The following NALF1 variants were observed in gnomAD, a reference collection of about 807,000 sequenced individuals.
NALF1 encodes the protein family with sequence similarity 155 member A.
A neutral mutation model predicts 48.4 loss-of-function variants in NALF1; 3 were observed. That is an observed-to-expected ratio of 0.06 (90% CI 0.03 to 0.16). The LOEUF (loss-of-function observed/expected upper bound fraction) is 0.16. Ranked by LOEUF, NALF1 falls within the 10% of genes least tolerant of loss-of-function variation. The pLI is 1.00. For missense variants in NALF1, 526 were observed against 571.5 expected (o/e 0.92, Z 0.81); for synonymous variants, 262 against 245.7 (o/e 1.07, Z -0.62).
intron 1 of NALF1, among the ~76,000 whole-genome samples, chr13:107,724,537 T>TCCCA: frequency 6.6e-6 from 1 of 150,932 alleles, no homozygotes; most frequent in Non-Finnish European, 1.5e-5. Context: ...TCATATACCA[T>TCCCA]CCCTCCCTCC....
At chr13:107,648,112 C>G (rs1392938785) in intron 1 of NALF1, among the ~76,000 whole-genome samples, 5 of 151,498 alleles carry the variant, frequency 3.3e-5, no homozygotes, top group African/African-American at 1.2e-4. Context: ...CATATGTCAC[C>G]CCCCATACAC....
At chr13:107,653,834 G>A (rs1594186227) in intron 1 of NALF1, among the ~76,000 whole-genome samples, 1 of 151,924 alleles carries the variant, frequency 6.6e-6, no homozygotes, top group African/African-American at 2.4e-5. Context: ...AAAAGTTTAA[G>A]CAAGTAAACT....
chr13:107,418,053 C>T (rs148224358), intron 1 of NALF1, among the ~76,000 whole-genome samples: 1 of 152,262 alleles, frequency 6.6e-6, no homozygotes, highest in Non-Finnish European at 1.5e-5. Flanking sequence ...CAGAGCAAGA[C>T]TGTGTCTCAA....
chr13:107,378,288 C>G (rs899497902), intron 1 of NALF1, among the ~76,000 whole-genome samples: 6 of 152,024 alleles, frequency 3.9e-5, no homozygotes, highest in Non-Finnish European at 7.4e-5. Context: ...AGAAATATCA[C>G]TAATGCCAAG....
intron 1 of NALF1, among the ~76,000 whole-genome samples, chr13:107,773,301 T>G (rs1250098905): frequency 6.6e-6 from 1 of 152,188 alleles, no homozygotes; most frequent in African/African-American, 2.4e-5. Flanking sequence ...TGAAACTATC[T>G]TGATACACAT....
chr13:107,245,866 T>C (rs1456202509), intron 1 of NALF1, among the ~76,000 whole-genome samples: 1 of 152,182 alleles, frequency 6.6e-6, no homozygotes, highest in African/African-American at 2.4e-5. Flanking sequence ...ACTGTGATTC[T>C]ACTGAGATCT....
chr13:107,812,769 T>C (rs922311006), intron 1 of NALF1, among the ~76,000 whole-genome samples: 1 of 149,652 alleles, frequency 6.7e-6, no homozygotes, highest in Admixed American at 6.7e-5. Flanking sequence ...ATGAGAGGGT[T>C]TTTGTTGTTG....
At chr13:107,588,073 G>T (rs145317930) in intron 1 of NALF1, among the ~76,000 whole-genome samples, 1 of 152,168 alleles carries the variant, frequency 6.6e-6, no homozygotes, top group Non-Finnish European at 1.5e-5. Context: ...ATCTATGAAG[G>T]ACTGTTCTCA....
chr13:107,628,393 G>T (rs1352704070), intron 1 of NALF1, among the ~76,000 whole-genome samples: 1 of 151,998 alleles, frequency 6.6e-6, no homozygotes, highest in Non-Finnish European at 1.5e-5. Flanking sequence ...GCTTTCACTA[G>T]GGTACCCCTT....
intron 1 of NALF1, among the ~76,000 whole-genome samples, chr13:107,661,963 T>TA (rs1454200897): frequency 5.9e-5 from 9 of 152,290 alleles, no homozygotes; most frequent in South Asian, 4.1e-4. Context: ...TAAAATCTTT[T>TA]AAAAAATTGT....
chr13:107,531,234 CAGG>C (rs1296149285), intron 1 of NALF1: 1 of 169,224 alleles, frequency 5.9e-6, no homozygotes, highest in African/African-American at 2.4e-5. Flanking sequence ...TACACTTCAA[CAGG>C]AGATTTGGGA....
intron 1 of NALF1, among the ~76,000 whole-genome samples, chr13:107,481,688 A>T (rs1885256120): frequency 6.6e-6 from 1 of 151,992 alleles, no homozygotes; most frequent in Non-Finnish European, 1.5e-5. Flanking sequence ...TCCAAGGGGG[A>T]GGAGTGTGTG....
intron 1 of NALF1, among the ~76,000 whole-genome samples, chr13:107,296,069 A>G (rs1232487800): frequency 2.0e-5 from 3 of 152,256 alleles, no homozygotes; most frequent in Non-Finnish European, 2.9e-5. Context: ...GTCATTGCCA[A>G]CTTGGCACTA....
At chr13:107,410,062 T>C (rs934721011) in intron 1 of NALF1, among the ~76,000 whole-genome samples, 2 of 152,244 alleles carry the variant, frequency 1.3e-5, no homozygotes, top group Admixed American at 1.3e-4. Context: ...GGATGGAGTT[T>C]TATGGAAATT....
At chr13:107,329,854 A>G (rs1594123043) in intron 1 of NALF1, among the ~76,000 whole-genome samples, 2 of 152,128 alleles carry the variant, frequency 1.3e-5, no homozygotes, top group African/African-American at 2.4e-5. Context: ...TTATGGCTGC[A>G]TAGCTACTTT....
chr13:107,485,221 C>T (rs1395503429), intron 1 of NALF1, among the ~76,000 whole-genome samples: 2 of 152,136 alleles, frequency 1.3e-5, no homozygotes, highest in African/African-American at 4.8e-5. Flanking sequence ...GAAGACAGTG[C>T]CTTTCACAGT....
chr13:107,672,351 T>G (rs934530224), intron 1 of NALF1, among the ~76,000 whole-genome samples: 9 of 152,332 alleles, frequency 5.9e-5, no homozygotes, highest in African/African-American at 2.2e-4. Flanking sequence ...TGATGCAACA[T>G]GTATTGTCTT....
chr13:107,740,778 T>G (rs2138544004), intron 1 of NALF1, among the ~76,000 whole-genome samples: 1 of 152,328 alleles, frequency 6.6e-6, no homozygotes, highest in East Asian at 1.9e-4. Flanking sequence ...TGGACTACTT[T>G]GCCAATCCTT....
intron 1 of NALF1, among the ~76,000 whole-genome samples, chr13:107,295,471 C>A (rs1244544283): frequency 6.6e-6 from 1 of 152,186 alleles, no homozygotes; most frequent in Non-Finnish European, 1.5e-5. Flanking sequence ...ATCTCAGATT[C>A]TCCACCTCTT....
Sources: allele counts gnomAD v4.1 joint callset (sites outside exome capture counted in the v4.1 genomes callset), GRCh38; gene constraint gnomAD v4.1.1; transcripts MANE v1.5; gene names NCBI Gene and HGNC (gene_info 2026-07-23, HGNC 2026-07-21).